MTRR: variants seen among roughly 807,000 people sequenced by gnomAD.
The protein encoded by MTRR is 5-methyltetrahydrofolate-homocysteine methyltransferase reductase.
MTRR carries 63 observed loss-of-function variants against 79.2 expected under a neutral mutation model. That is an observed-to-expected ratio of 0.80 (90% CI 0.65 to 0.98). The LOEUF is 0.98. MTRR is among the 50% of genes least tolerant of loss of function. The pLI is 0.00. For missense variants in MTRR, 895 were observed against 839.6 expected (o/e 1.07, Z -0.82); for synonymous variants, 355 against 313.3 (o/e 1.13, Z -1.41).
intron 1 of MTRR, chr5:7,856,708 C>A (rs1348349631): frequency 6.6e-6 from 1 of 151,842 alleles, no homozygotes; most frequent in Non-Finnish European, 1.5e-5. Flanking sequence ...TGAGCCAAGA[C>A]CCCTCTCTGG....
rs766836800 is a variant in MTRR, at chr5:7,897,079, A to G, written c.1784A>G (p.His595Arg). 11 of 1,614,042 alleles carry G rather than the reference A, an allele frequency of 6.8e-6. No individual in the cohort carries two copies. The highest frequency in any genetic ancestry group is 6.7e-5 in the East Asian group (3 of 44,898). Residue 595 changes from histidine to arginine, a missense_variant, in exon 14 of 15, where the codon CAT becomes CGT. His to Arg is a conservative substitution (Grantham distance 29). Coordinates refer to ENST00000440940, the MANE Select transcript of MTRR (RefSeq NM_002454.3). Reference sequence around the variant, plus strand: ...TTATATTTCAGAAAAGAGCTCAGACATTTCCTTAAGCATGGGATCTTAACT... The same window carrying G: ...TTATATTTCAGAAAAGAGCTCAGACGTTTCCTTAAGCATGGGATCTTAACT... ...RDYLFRKELR[H>R]FLKHGILTHL...
intron 6 of MTRR, among the ~76,000 whole-genome samples, chr5:7,885,472 G>T (rs1429989523): frequency 6.6e-6 from 1 of 151,898 alleles, no homozygotes; most frequent in Non-Finnish European, 1.5e-5. Context: ...AAAACACTGG[G>T]TAACTACCAG....
chr5:7,884,493 A>G (rs954281074), intron 6 of MTRR, among the ~76,000 whole-genome samples: 5 of 152,170 alleles, frequency 3.3e-5, no homozygotes, highest in Non-Finnish European at 1.5e-5. Flanking sequence ...TTAAGTTTAC[A>G]TTATTTTTAT....
chr5:7,869,625 GTGAGTTCTGCC>G, intron 1 of MTRR: 1 of 249,602 alleles, frequency 4.0e-6, no homozygotes, highest in Non-Finnish European at 7.9e-6. Flanking sequence ...GGACGCGGCC[GTGAGTTCTGCC>G]CGCGGCCGTG....
chr5:7,862,754 G>C, intron 2 of MTRR: 1 of 1,326,654 alleles, frequency 7.5e-7, no homozygotes, highest in African/African-American at 1.5e-5. Context: ...TTGCTTCTAA[G>C]TCCCATATAT....
intron 13 of MTRR, 42 bp downstream of exon 13, chr5:7,896,998 C>A: frequency 1.9e-6 from 3 of 1,611,038 alleles, no homozygotes; most frequent in Non-Finnish European, 2.5e-6. Context: ...ACTGAGTGTA[C>A]AATTCTAATT....
intron 8 of MTRR, among the ~76,000 whole-genome samples, chr5:7,887,106 T>C (rs1034836198): frequency 1.3e-5 from 2 of 152,268 alleles, no homozygotes. Flanking sequence ...AATGAGAGCG[T>C]AGGATTCCCC....
chr5:7,886,340 T>C (rs1401682578), intron 7 of MTRR, among the ~76,000 whole-genome samples: 1 of 152,172 alleles, frequency 6.6e-6, no homozygotes, highest in Non-Finnish European at 1.5e-5. Flanking sequence ...GGAGTACTGC[T>C]GTCTTTTTAG....
At chr5:7,883,905 G>A (rs917613636) in intron 6 of MTRR, among the ~76,000 whole-genome samples, 10 of 152,208 alleles carry the variant, frequency 6.6e-5, no homozygotes, top group Admixed American at 2.0e-4. Flanking sequence ...GTCAAACGAG[G>A]TGGCTCTCGC....
chr5:7,859,402 G>A, intron 1 of MTRR: 1 of 1,378,638 alleles, frequency 7.3e-7, no homozygotes, highest in South Asian at 1.3e-5. Flanking sequence ...AAAAATGCAA[G>A]TTCTTCCATT....
chr5:7,878,699 A>C (rs1002417717), intron 5 of MTRR, among the ~76,000 whole-genome samples: 1 of 152,276 alleles, frequency 6.6e-6, no homozygotes, highest in African/African-American at 2.4e-5. Flanking sequence ...AGAACTAACA[A>C]CTTGGTTTCT....
intron 5 of MTRR, among the ~76,000 whole-genome samples, chr5:7,882,412 G>A (rs1366101846): frequency 6.6e-6 from 1 of 152,136 alleles, no homozygotes; most frequent in Non-Finnish European, 1.5e-5. Flanking sequence ...CTTCTTAGGG[G>A]TACATCTCAG....
At chr5:7,857,903 A>G (rs1303406764) in intron 1 of MTRR, among the ~76,000 whole-genome samples, 1 of 152,220 alleles carries the variant, frequency 6.6e-6, no homozygotes, top group Non-Finnish European at 1.5e-5. Flanking sequence ...CAAACAGGGA[A>G]AAGCTTGCAA....
chr5:7,858,871 A>T (rs1483149131), intron 1 of MTRR, among the ~76,000 whole-genome samples: 1 of 152,142 alleles, frequency 6.6e-6, no homozygotes, highest in Non-Finnish European at 1.5e-5. Flanking sequence ...CCCTCCAATC[A>T]AACAGCTCCC....
chr5:7,859,217 T>G (rs1746361887), intron 1 of MTRR: 1 of 321,202 alleles, frequency 3.1e-6, no homozygotes, highest in Admixed American at 4.9e-5. Context: ...AATTGTTTGA[T>G]GTACAAAAAG....
At position 7,883,181 on chromosome 5, in the gene MTRR, A is replaced by G. The variant is rs1348478237; in HGVS notation, c.807A>G (p.Ser269=). ...GQEESQVSVT[S]ADPVFQVPIS... ...AGGAAAGCCAAGTATCTGTGACTTC[A>G]GCAGATCCAGTTTTTCAAGTGCCAA... Residue 269 remains serine, a synonymous_variant, in exon 6 of 15, where the codon TCA becomes TCG. Coordinates refer to ENST00000440940, the MANE Select transcript of MTRR (RefSeq NM_002454.3). The G allele has an allele frequency of 5.6e-6, 9 of 1,614,258 alleles. 1 individual carries two copies. The African/African-American group carries it at 6.7e-5, about 12-fold the overall frequency.
rs772356774 is a variant in MTRR, at chr5:7,869,227, G to C, written c.-26+12G>C. ...CTGGCGCGGCGTGGGTAAGCTGCCT[G>C]TCGGCTACGGTTCCCGGATTCCGGC... is the stretch of plus-strand genomic sequence containing the variant. On this transcript the variant is annotated intron_variant, in intron 1 of 14. Transcript: ENST00000440940. 13 of 1,603,854 alleles carry C rather than the reference G, an allele frequency of 8.1e-6. No individual in the cohort carries two copies. The highest frequency in any genetic ancestry group is 1.7e-4 in the Middle Eastern group (1 of 6,058).
chr5:7,853,254 C>A lies in MTRR; in HGVS notation n.391+1669C>A, dbSNP rs1026365375. Among the ~76,000 whole-genome samples the A allele has an allele frequency of 3.3e-5, 5 of 152,130 alleles. No homozygotes were observed. The South Asian group carries it at 6.2e-4, about 19-fold the overall frequency. Reference sequence around the variant, plus strand: ...CAGGATCTGATGGTTTTATAAGGGGCTCCTCCCCTTTTGTTCAGTGCTTCT... The same window carrying A: ...CAGGATCTGATGGTTTTATAAGGGGATCCTCCCCTTTTGTTCAGTGCTTCT... On this transcript the variant is annotated intron_variant and non_coding_transcript_variant, in intron 1 of 3. Coordinates refer to the MTRR transcript ENST00000502509.
chr5:7,895,738 C>T lies in MTRR; in HGVS notation c.1562C>T (p.Ser521Phe), dbSNP rs753890281. 1.2e-6 allele frequency: 2 copies of T among 1,613,956 alleles called. No individual in the cohort carries two copies. The highest frequency in any genetic ancestry group is 2.7e-5 in the African/African-American group (2 of 75,030). ...DSGKALAPKISISPRTTNSFH... is the reference protein window; with the variant it reads ...DSGKALAPKIFISPRTTNSFH... ...ACATTTGATGTAATATTTCAGATAT[C>T]CATCTCTCCTCGAACAACAAATTCT... is the stretch of plus-strand genomic sequence containing the variant. Residue 521 changes from serine to phenylalanine, a missense_variant, in exon 12 of 15, where the codon TCC (serine) becomes TTC (phenylalanine). Coordinates refer to ENST00000440940, the MANE Select transcript of MTRR (RefSeq NM_002454.3).
Sources: gnomAD v4.1 joint callset for allele counts (sites outside exome capture counted in the v4.1 genomes callset) on GRCh38, gnomAD v4.1.1 for gene constraint, MANE v1.5 for transcripts, NCBI Gene and HGNC (gene_info 2026-07-23, HGNC 2026-07-21) for gene names.